The following CHODL variants were observed in gnomAD, a reference collection of about 807,000 sequenced individuals.
CHODL encodes the protein transmembrane protein MT75.
Under a neutral mutation model 34.5 loss-of-function variants are expected in CHODL, and 29 were observed. That is an observed-to-expected ratio of 0.84 (90% CI 0.63 to 1.15). The LOEUF (loss-of-function observed/expected upper bound fraction) is 1.15, where lower values mean the gene tolerates loss of function less well. Among genes scored for constraint, CHODL ranks in the 50% most tolerant of loss-of-function variants. CHODL has a pLI of 0.00. For missense variants in CHODL, 332 were observed against 332.5 expected, an observed-to-expected ratio of 1.00 and a Z score of 0.01; for synonymous variants, 125 against 116.1, an observed-to-expected ratio of 1.08 and a Z score of -0.49.
intron 2 of CHODL, among the ~76,000 whole-genome samples, chr21:18,142,847 T>G (rs1030667484): frequency 6.6e-6 from 1 of 152,196 alleles, no homozygotes; most frequent in Non-Finnish European, 1.5e-5. Context: ...CACAGTTGAC[T>G]GATTGACTGG....
intron 2 of CHODL, among the ~76,000 whole-genome samples, chr21:18,029,473 AT>A (rs1456823199): frequency 6.6e-6 from 1 of 152,220 alleles, no homozygotes; most frequent in Non-Finnish European, 1.5e-5. Context: ...AAACATAAAC[AT>A]TTTGAAACTT....
At chr21:18,027,143 A>G (rs1362369971) in intron 1 of CHODL, among the ~76,000 whole-genome samples, 2 of 151,998 alleles carry the variant, frequency 1.3e-5, no homozygotes, top group Non-Finnish European at 2.9e-5. Flanking sequence ...GTGTGGTGGC[A>G]CATGCCTCTC....
chr21:18,015,531 T>G (rs2064064306), intron 1 of CHODL, among the ~76,000 whole-genome samples: 1 of 151,978 alleles, frequency 6.6e-6, no homozygotes, highest in Admixed American at 6.6e-5. Context: ...AGTGGGGCAT[T>G]GCTATAAAGA....
At chr21:18,102,841 T>G (rs2065231568) in intron 2 of CHODL, among the ~76,000 whole-genome samples, 1 of 152,140 alleles carries the variant, frequency 6.6e-6, no homozygotes, top group Non-Finnish European at 1.5e-5. Context: ...TTTAGAAAAA[T>G]GGGATGCTAT....
intron 2 of CHODL, among the ~76,000 whole-genome samples, chr21:18,128,296 C>CAAAAAA (rs71189585): frequency 2.9e-4 from 8 of 28,056 alleles, no homozygotes; most frequent in Non-Finnish European, 4.3e-4. Flanking sequence ...GCAAGAGTCT[C>CAAAAAA]AAAAAAAAAA....
chr21:18,252,059 T>C (rs1486351195), intron 1 of CHODL, among the ~76,000 whole-genome samples: 2 of 152,164 alleles, frequency 1.3e-5, no homozygotes, highest in African/African-American at 2.4e-5. Flanking sequence ...TCTCAATATG[T>C]TTGTAGAGAA....
At chr21:18,097,783 A>G (rs927048723) in intron 2 of CHODL, among the ~76,000 whole-genome samples, 2 of 152,120 alleles carry the variant, frequency 1.3e-5, no homozygotes, top group African/African-American at 4.8e-5. Context: ...AAAAAGAACA[A>G]AACTAGTGGA....
At chr21:18,216,980 C>G (rs2073836206) in intron 2 of CHODL, among the ~76,000 whole-genome samples, 1 of 152,002 alleles carries the variant, frequency 6.6e-6, no homozygotes, top group Non-Finnish European at 1.5e-5. Flanking sequence ...ACCATATCAG[C>G]AGGATTTCAT....
chr21:18,127,391 G>C (rs574012622), intron 2 of CHODL, among the ~76,000 whole-genome samples: 1 of 152,076 alleles, frequency 6.6e-6, no homozygotes, highest in Admixed American at 6.6e-5. Context: ...TTGATTTTCT[G>C]TCTGGGGCAG....
At chr21:17,982,089 C>T (rs2063718410) in intron 1 of CHODL, among the ~76,000 whole-genome samples, 1 of 152,164 alleles carries the variant, frequency 6.6e-6, no homozygotes, top group Admixed American at 6.6e-5. Flanking sequence ...TCCAGTAATT[C>T]TACATCACAT....
intron 1 of CHODL, among the ~76,000 whole-genome samples, chr21:17,922,869 C>T (rs180965428): frequency 6.6e-6 from 1 of 152,206 alleles, no homozygotes; most frequent in East Asian, 1.9e-4. Flanking sequence ...GACACGTGCC[C>T]AAGGTGGTCA....
intron 1 of CHODL, among the ~76,000 whole-genome samples, chr21:17,943,320 G>C (rs960351800): frequency 1.3e-5 from 2 of 152,182 alleles, no homozygotes; most frequent in African/African-American, 4.8e-5. Context: ...TATGTCAAGA[G>C]CCCCAGCCTG....
intron 2 of CHODL, among the ~76,000 whole-genome samples, chr21:18,035,041 G>A (rs762746396): frequency 1.3e-5 from 2 of 151,946 alleles, no homozygotes; most frequent in Non-Finnish European, 2.9e-5. Context: ...CTTAAGTTCT[G>A]TTTGGTCCTT....
At position 18,266,809 on chromosome 21, in the gene CHODL, T is replaced by TTAA. The variant is rs2074468353; in HGVS notation, c.*774_*776dup. The TTAA allele has an allele frequency of 6.5e-6, 1 of 152,922 alleles. No homozygotes were observed. The highest frequency in any genetic ancestry group is 1.9e-4 in the East Asian group (1 of 5,190). 9.5% of individuals were successfully genotyped at this position (152,922 alleles called of 1,614,324 possible). On this transcript the variant is annotated 3_prime_UTR_variant, in exon 6 of 6. Coordinates refer to ENST00000299295, the MANE Select transcript of CHODL (RefSeq NM_024944.3). ...CAGATTTTGTAATAATGTAACTTTG[T>TTAA]TAATAGGTGCATAAACACTAATGCA...
chr21:18,245,106 C>T lies in CHODL; in HGVS notation c.-118C>T, dbSNP rs1413002640. ...AGGGGGTCGGGCAGCTGGGCTCGGG[C>T]GGCGGGAGTAGGGCCCGGCAGGGAG... On this transcript the variant is annotated 5_prime_UTR_variant, in exon 1 of 6. Transcript: ENST00000299295. The T allele has an allele frequency of 3.5e-5, 30 of 849,250 alleles. No homozygotes were observed. The highest frequency in any genetic ancestry group is 4.9e-5 in the Non-Finnish European group (29 of 597,292). The allele number at this position is 849,250 out of a possible 1,614,324, so 52.6% of individuals were successfully genotyped here.
intron 1 of CHODL, among the ~76,000 whole-genome samples, chr21:17,988,895 A>T (rs968353493): frequency 6.6e-5 from 10 of 152,016 alleles, no homozygotes; most frequent in African/African-American, 2.2e-4. Flanking sequence ...ATGATTTATA[A>T]TCCTTTGGGT....
chr21:18,095,701 AAAAG>A (rs1360243723), intron 2 of CHODL, among the ~76,000 whole-genome samples: 5 of 152,228 alleles, frequency 3.3e-5, no homozygotes, highest in Non-Finnish European at 5.9e-5. Context: ...ACAGATTCAA[AAAAG>A]AAAACTGTAG....
intron 2 of CHODL, among the ~76,000 whole-genome samples, chr21:18,053,828 T>G (rs1191949272): frequency 6.6e-6 from 1 of 151,890 alleles, no homozygotes; most frequent in Non-Finnish European, 1.5e-5. Context: ...ATAACTGTAC[T>G]AACCACTACA....
At chr21:18,070,234 C>CT (rs199903572) in intron 2 of CHODL, among the ~76,000 whole-genome samples, 2,575 of 151,650 alleles carry the variant, frequency 0.017, 42 homozygotes, top group Non-Finnish European at 0.022. Flanking sequence ...GGAAAAAAAA[C>CT]TTTTTTTAAA....
Sources: gnomAD v4.1 joint callset for allele counts (sites outside exome capture counted in the v4.1 genomes callset) on GRCh38, gnomAD v4.1.1 for gene constraint, MANE v1.5 for transcripts, NCBI Gene and HGNC (gene_info 2026-07-23, HGNC 2026-07-21) for gene names.